Variants in COL4A3 observed in about 807,000 individuals in gnomAD.
COL4A3 encodes collagen type IV alpha 3 chain.
COL4A3 carries 135 observed loss-of-function variants against 217.4 expected under a neutral mutation model. The observed-to-expected ratio is 0.62, with a 90% CI of 0.54 to 0.72. The LOEUF is 0.72. Among genes scored for constraint, COL4A3 ranks in the 30% least tolerant of loss-of-function variants. The pLI, the probability that COL4A3 is intolerant of heterozygous loss-of-function variation, is 0.00. For missense variants in COL4A3, 1,868 were observed against 2,119.9 expected (o/e 0.88, Z 2.33); for synonymous variants, 690 against 736.3 (o/e 0.94, Z 1.02).
chr2:227,181,350 T>C (rs974703768), intron 1 of COL4A3, among the ~76,000 whole-genome samples: 2 of 152,226 alleles, frequency 1.3e-5, no homozygotes, highest in Admixed American at 6.5e-5. Context: ...CGAGCACTTA[T>C]GTGTGATGCA....
chr2:227,295,635 A>G (rs1367381002), intron 41 of COL4A3, among the ~76,000 whole-genome samples: 1 of 152,216 alleles, frequency 6.6e-6, no homozygotes, highest in Non-Finnish European at 1.5e-5. Context: ...TGAAGGTGGA[A>G]CTGATGGGTT....
rs1276794039 is a variant in COL4A3, at chr2:227,250,382, AGAT to A, written c.547-757_547-755del. On this transcript the variant is annotated intron_variant, in intron 9 of 51. Transcript: ENST00000396578. The surrounding 1 kb of genome is among the most constrained non-coding windows in gnomAD (Gnocchi z 4.1). ...TAGATAGATAGATAGATAGATAGAT[AGAT>A]ATTTAAAAATTGTATGAACCAGGCA... is the stretch of plus-strand genomic sequence containing the variant. Among the ~76,000 whole-genome samples, 11 of 151,682 alleles carry A rather than the reference AGAT, an allele frequency of 7.3e-5. No individual in the cohort carries two copies. The highest frequency in any genetic ancestry group is 6.3e-4 in the South Asian group (3 of 4,780).
chr2:227,290,972 C>T, intron 37 of COL4A3, 86 bp downstream of exon 37: 1 of 1,460,146 alleles, frequency 6.8e-7, no homozygotes, highest in South Asian at 1.2e-5. Context: ...TCGGTGTGGG[C>T]AGAGAAAATT....
Position 227,251,113 on chromosome 2 carries a change from TACTC to T in COL4A3, c.547-26_547-23del, listed in dbSNP as rs781041964. 54 of 1,564,330 alleles carry T rather than the reference TACTC, an allele frequency of 3.5e-5. No individual in the cohort carries two copies. The African/African-American group carries it at 6.9e-4, about 20-fold the overall frequency. ...ATTAAGTGAGAAGTAAATTTAAACT[TACTC>T]TTATTCTTCTCTCAATTTCAAGGGT... On this transcript the variant is annotated intron_variant, in intron 9 of 51. Coordinates refer to ENST00000396578, the MANE Select transcript of COL4A3 (RefSeq NM_000091.5).
intron 28 of COL4A3, among the ~76,000 whole-genome samples, chr2:227,278,797 TCA>T (rs981148041): frequency 3.3e-5 from 5 of 152,196 alleles, no homozygotes; most frequent in African/African-American, 1.2e-4. Flanking sequence ...ATTTACAATT[TCA>T]CAATTGAATC....
At chr2:227,311,663 C>A in intron 51 of COL4A3, 123 bp from the exon 52 acceptor site, 1 of 895,180 alleles carries the variant, frequency 1.1e-6, no homozygotes, top group Non-Finnish European at 1.7e-6. Context: ...CAGGCGTGAG[C>A]CACCACGCCC....
At chr2:227,201,263 G>A (rs1454920785) in intron 1 of COL4A3, among the ~76,000 whole-genome samples, 1 of 152,036 alleles carries the variant, frequency 6.6e-6, no homozygotes, top group Non-Finnish European at 1.5e-5. Context: ...TTCATGAATA[G>A]TTTTGAAACT....
chr2:227,254,651 T>C lies in COL4A3; in HGVS notation c.829-5T>C, dbSNP rs1574703426. 1.2e-6 allele frequency: 2 copies of C among 1,608,148 alleles called. No homozygotes were observed. Among genetic ancestry groups the C allele is most frequent in the Non-Finnish European group, 1.7e-6 (2 of 1,174,620 alleles). On this transcript the variant is annotated splice_region_variant and splice_polypyrimidine_tract_variant and intron_variant, in intron 14 of 51. Transcript: ENST00000396578. Reference sequence around the variant, plus strand: ...TAAAATTTGACATGGCTCTAATTAATACAGGGACTGCCTGGAGAATCATAT... The same window carrying C: ...TAAAATTTGACATGGCTCTAATTAACACAGGGACTGCCTGGAGAATCATAT...
chr2:227,179,181 G>T (rs1004718458), intron 1 of COL4A3, among the ~76,000 whole-genome samples: 3 of 151,096 alleles, frequency 2.0e-5, no homozygotes, highest in African/African-American at 7.3e-5. Flanking sequence ...GAACTCATGG[G>T]CTCAAGTGAT....
chr2:227,260,247 T>C (rs1574718520), intron 19 of COL4A3, among the ~76,000 whole-genome samples: 1 of 152,340 alleles, frequency 6.6e-6, no homozygotes, highest in Middle Eastern at 3.4e-3. Context: ...ACTGAAACCC[T>C]GGTTTCCTGA....
Position 227,253,432 on chromosome 2 carries a change from G to C in COL4A3, c.687+95G>C. The C allele has an allele frequency of 6.9e-7, 1 of 1,459,218 alleles. No homozygotes were observed. Among genetic ancestry groups the C allele is most frequent in the African/African-American group, 1.4e-5 (1 of 71,970 alleles). 90.4% of individuals were successfully genotyped at this position (1,459,218 alleles called of 1,614,324 possible). A position where few individuals can be genotyped will look rare whatever the true frequency, so the allele number is the denominator to read the frequency against. ...TTTACTTACGGGCCAAGCTGAAATTGATGGGCCTTCATTTGTTCTATCTTC... is the reference window on the plus strand; with the variant it reads ...TTTACTTACGGGCCAAGCTGAAATTCATGGGCCTTCATTTGTTCTATCTTC... On this transcript the variant is annotated intron_variant, in intron 12 of 51. Transcript: ENST00000396578. The surrounding 1 kb of genome is among the most constrained non-coding windows in gnomAD (Gnocchi z 4.4).
intron 1 of COL4A3, among the ~76,000 whole-genome samples, chr2:227,218,257 G>A (rs772183197): frequency 3.3e-5 from 5 of 151,936 alleles, no homozygotes; most frequent in Non-Finnish European, 7.4e-5. Flanking sequence ...ACGAGGTCAG[G>A]AGATCAAGAC....
chr2:227,190,600 T>C (rs936375155), intron 1 of COL4A3, among the ~76,000 whole-genome samples: 16 of 152,228 alleles, frequency 1.1e-4, no homozygotes, highest in Admixed American at 2.0e-4. Context: ...CAAAGTGTAT[T>C]AATTATTTTC....
At position 227,279,749 on chromosome 2, in the gene COL4A3, A is replaced by G. The variant is rs115997895; in HGVS notation, c.2126-44A>G. ...GAGAGTTACTGCTCAGAATATTTCA[A>G]TAAGACTAATCCTACAACAATGTTT... On this transcript the variant is annotated intron_variant, in intron 28 of 51. Coordinates refer to ENST00000396578, the MANE Select transcript of COL4A3 (RefSeq NM_000091.5). 8.5e-4 allele frequency: 1,145 copies of G among 1,353,378 alleles called. 10 individuals carry two copies. In the African/African-American group the frequency reaches 0.015, roughly 17 times the overall value. The allele number at this position is 1,353,378 out of a possible 1,614,324, so 83.8% of individuals were successfully genotyped here. A position where few individuals can be genotyped will look rare whatever the true frequency, so the allele number is the denominator to read the frequency against.
intron 1 of COL4A3, among the ~76,000 whole-genome samples, chr2:227,196,781 T>C (rs1268533593): frequency 1.3e-5 from 2 of 152,214 alleles, no homozygotes; most frequent in Admixed American, 1.3e-4. Flanking sequence ...TTGTAGGTAA[T>C]ATGTAAAACA....
intron 25 of COL4A3, among the ~76,000 whole-genome samples, 172 bp from the exon 26 acceptor site, chr2:227,272,777 G>A (rs1019773591): frequency 2.6e-5 from 4 of 152,174 alleles, no homozygotes; most frequent in Admixed American, 6.5e-5. Context: ...GACACAAAAC[G>A]GAAGAAACCT....
At chr2:227,244,752 C>T in intron 4 of COL4A3, 199 bp from the exon 5 acceptor site, 1 of 754,108 alleles carries the variant, frequency 1.3e-6, no homozygotes, top group Non-Finnish European at 2.4e-6. Flanking sequence ...TTAATGATAT[C>T]TTTTTAAGAG....
In COL4A3 at chr2:227,203,467, A is replaced by ATATATGTGTATACATATGTGTG. The variant is rs1359737036; in HGVS notation, c.88-34488_88-34467dup. Among the ~76,000 whole-genome samples, 4 of 39,862 alleles carry ATATATGTGTATACATATGTGTG rather than the reference A, an allele frequency of 1.0e-4. 2 individuals carry two copies. The East Asian group carries it at 3.0e-3, about 29-fold the overall frequency. The allele number at this position is 39,862 out of a possible 152,430, so 26.2% of individuals were successfully genotyped here. ...TGTGTATACATACATATATGTGTGTATATATGTGTATACATATGTGTGTAT... is the reference window on the plus strand; with the variant it reads ...TGTGTATACATACATATATGTGTGTATATATGTGTATACATATGTGTGTATATGTGTATACATATGTGTGTAT... On this transcript the variant is annotated intron_variant, in intron 1 of 51. Transcript: ENST00000396578.
intron 1 of COL4A3, among the ~76,000 whole-genome samples, chr2:227,171,986 C>T (rs1160454158): frequency 6.6e-6 from 1 of 152,112 alleles, no homozygotes; most frequent in African/African-American, 2.4e-5. Context: ...AGTGGCCTGC[C>T]GGCGCTTGAG....
Sources: gnomAD v4.1 joint callset for allele counts (sites outside exome capture counted in the v4.1 genomes callset) on GRCh38, gnomAD v4.1.1 for gene constraint, Gnocchi (gnomAD v3.1) non-coding constraint, MANE v1.5 for transcripts, NCBI Gene and HGNC (gene_info 2026-07-23, HGNC 2026-07-21) for gene names.